Variants in TFDP2 observed in about 807,000 individuals in gnomAD.
The protein encoded by TFDP2 is transcription factor Dp-2.
A neutral mutation model predicts 59.3 loss-of-function variants in TFDP2; 17 were observed. The ratio of observed to expected loss-of-function variants is 0.29; its 90% CI spans 0.20 to 0.43. TFDP2 has a LOEUF of 0.43. Among genes scored for constraint, TFDP2 ranks in the 20% least tolerant of loss-of-function variants. TFDP2 has a pLI of 1.00. For missense variants in TFDP2, 391 were observed against 528.8 expected (o/e 0.74, Z 2.56); for synonymous variants, 180 against 194.7 (o/e 0.92, Z 0.63).
chr3:142,026,398 T>C (rs1946096562), intron 3 of TFDP2, among the ~76,000 whole-genome samples: 2 of 152,196 alleles, frequency 1.3e-5, no homozygotes, highest in African/African-American at 4.8e-5. Flanking sequence ...AGAGGAATTT[T>C]TAATAATCTG....
At chr3:142,092,938 T>C in intron 3 of TFDP2, 123 bp downstream of exon 3, 2 of 637,760 alleles carry the variant, frequency 3.1e-6, no homozygotes, top group Admixed American at 3.3e-5. Context: ...TTATGTGGCA[T>C]GGAACAACGT....
At chr3:141,997,201 ATAT>A (rs1464793217) in intron 4 of TFDP2, among the ~76,000 whole-genome samples, 1 of 152,182 alleles carries the variant, frequency 6.6e-6, no homozygotes, top group Non-Finnish European at 1.5e-5. Context: ...GGTACAATAA[ATAT>A]TTACTAACTG....
At chr3:142,130,306 G>A (rs1189908408) in intron 1 of TFDP2, among the ~76,000 whole-genome samples, 1 of 152,040 alleles carries the variant, frequency 6.6e-6, no homozygotes, top group Non-Finnish European at 1.5e-5. Flanking sequence ...GATGAACTGT[G>A]AGGACATTAT....
At chr3:141,954,569 G>A (rs111772236) in intron 11 of TFDP2, among the ~76,000 whole-genome samples, 7,477 of 151,916 alleles carry the variant, frequency 0.049, 237 homozygotes, top group Middle Eastern at 0.099. Flanking sequence ...CCCAGGAGGC[G>A]GAGGTTGCAG....
chr3:142,082,720 G>C (rs1226372186), intron 3 of TFDP2, among the ~76,000 whole-genome samples: 2 of 152,156 alleles, frequency 1.3e-5, no homozygotes, highest in African/African-American at 4.8e-5. Flanking sequence ...CTCAATGAAT[G>C]CAAGTCAATC....
At chr3:142,111,065 T>G (rs1577009710) in intron 1 of TFDP2, among the ~76,000 whole-genome samples, 1 of 152,166 alleles carries the variant, frequency 6.6e-6, no homozygotes, top group Non-Finnish European at 1.5e-5. Flanking sequence ...AGGCATGCAT[T>G]AAATGACAAA....
chr3:142,057,799 A>G (rs1364415521), intron 3 of TFDP2, among the ~76,000 whole-genome samples: 1 of 152,126 alleles, frequency 6.6e-6, no homozygotes, highest in Non-Finnish European at 1.5e-5. Flanking sequence ...GGGAGACGCT[A>G]GAAGTTTTCC....
intron 3 of TFDP2, among the ~76,000 whole-genome samples, chr3:142,022,973 A>G (rs928095477): frequency 1.3e-4 from 20 of 151,504 alleles, no homozygotes; most frequent in African/African-American, 4.6e-4. Flanking sequence ...TACAAAAATT[A>G]GCCGGGCGCA....
chr3:142,054,236 C>T (rs907556006), intron 3 of TFDP2: 1 of 152,054 alleles, frequency 6.6e-6, no homozygotes, highest in Admixed American at 6.5e-5. Context: ...ACAAGTGAAA[C>T]AACAAAAATG....
At chr3:141,958,634 C>T (rs1435198211) in intron 11 of TFDP2, among the ~76,000 whole-genome samples, 1 of 152,154 alleles carries the variant, frequency 6.6e-6, no homozygotes, top group African/African-American at 2.4e-5. Context: ...TGGGGGTCTA[C>T]TGTACTGTGA....
intron 1 of TFDP2, among the ~76,000 whole-genome samples, chr3:142,115,521 T>C (rs532479108): frequency 1.3e-5 from 2 of 152,250 alleles, no homozygotes; most frequent in East Asian, 3.9e-4. Context: ...GGTTTCACCG[T>C]GTTAGCCAGG....
At chr3:141,980,314 T>C (rs1329019680) in intron 6 of TFDP2, among the ~76,000 whole-genome samples, 1 of 151,782 alleles carries the variant, frequency 6.6e-6, no homozygotes, top group Admixed American at 6.6e-5. Context: ...AAAGAAAATA[T>C]TTTTGTACAG....
At chr3:142,007,001 C>T (rs1944272415) in intron 3 of TFDP2, among the ~76,000 whole-genome samples, 1 of 152,130 alleles carries the variant, frequency 6.6e-6, no homozygotes, top group African/African-American at 2.4e-5. Context: ...ATCTGGAACT[C>T]CTGACCTTGG....
chr3:142,088,947 C>A (rs887151374), intron 3 of TFDP2, among the ~76,000 whole-genome samples: 3 of 151,968 alleles, frequency 2.0e-5, no homozygotes, highest in Non-Finnish European at 2.9e-5. Context: ...CCTGCCTCAG[C>A]CTCCCAAGCA....
chr3:142,135,350 G>A (rs2062684587), intron 1 of TFDP2, among the ~76,000 whole-genome samples: 1 of 151,934 alleles, frequency 6.6e-6, no homozygotes, highest in South Asian at 2.1e-4. Context: ...AAAACTATAT[G>A]TCATTTCTTG....
chr3:141,978,323 C>T (rs1422897732), intron 7 of TFDP2, among the ~76,000 whole-genome samples, 197 bp downstream of exon 7: 3 of 149,252 alleles, frequency 2.0e-5, no homozygotes, highest in South Asian at 2.1e-4. Flanking sequence ...CCAGCCTGGG[C>T]GACAGAGTGA....
At chr3:142,012,645 C>G (rs1944813057) in intron 3 of TFDP2, among the ~76,000 whole-genome samples, 1 of 152,038 alleles carries the variant, frequency 6.6e-6, no homozygotes, top group African/African-American at 2.4e-5. Context: ...TATAAGAGAA[C>G]ACGATTACAT....
intron 7 of TFDP2, among the ~76,000 whole-genome samples, chr3:141,976,379 A>G (rs192165188): frequency 6.6e-6 from 1 of 152,356 alleles, no homozygotes; most frequent in East Asian, 1.9e-4. Flanking sequence ...ATTCTAAATT[A>G]TCAGAAAAAT....
chr3:142,069,074 C>A (rs1375980291), intron 3 of TFDP2, among the ~76,000 whole-genome samples: 1 of 152,000 alleles, frequency 6.6e-6, no homozygotes, highest in Non-Finnish European at 1.5e-5. Flanking sequence ...CACCACCATG[C>A]CTGGCTAATT....
Sources: allele counts gnomAD v4.1 joint callset (sites outside exome capture counted in the v4.1 genomes callset), GRCh38; gene constraint gnomAD v4.1.1; transcripts MANE v1.5; gene names NCBI Gene and HGNC (gene_info 2026-07-23, HGNC 2026-07-21).